Variants in PCNX1 observed in about 807,000 individuals in gnomAD.
PCNX1 encodes the protein pecanex 1, also known as pecanex-like protein 1.
Under a neutral mutation model 242.2 loss-of-function variants are expected in PCNX1, and 78 were observed. That is an observed-to-expected ratio of 0.32 (90% confidence interval 0.27 to 0.39). The LOEUF (loss-of-function observed/expected upper bound fraction) is 0.39, where lower values mean the gene tolerates loss of function less well. Ranked by LOEUF, PCNX1 falls within the 10% of genes least tolerant of loss-of-function variation. PCNX1 has a pLI of 1.00. For missense variants in PCNX1, 2,581 were observed against 2,856.5 expected (o/e 0.90, Z 2.20); for synonymous variants, 1,024 against 1,032.9 (o/e 0.99, Z 0.17).
At chr14:70,973,778 A>G (rs2058610028) in intron 5 of PCNX1, among the ~76,000 whole-genome samples, 1 of 152,244 alleles carries the variant, frequency 6.6e-6, no homozygotes, top group Admixed American at 6.5e-5. Flanking sequence ...TTAACTTTAG[A>G]AAATATAGTT....
In PCNX1 at chr14:71,054,542, T is replaced by A. The variant is rs562633251; in HGVS notation, c.4578-962T>A. ...AACAAGTATTGCCAGTTGTTTTCCT[T>A]GAAATAACAGGCTCACTTTCTTTAT... On this transcript the variant is annotated intron_variant, in intron 24 of 35. Coordinates refer to ENST00000304743, the MANE Select transcript of PCNX1 (RefSeq NM_014982.3). Among the ~76,000 whole-genome samples the A allele has an allele frequency of 2.0e-5, 3 of 152,342 alleles. No individual in the cohort carries two copies. The South Asian group carries it at 6.2e-4, about 32-fold the overall frequency.
chr14:70,923,135 A>G (rs2056444307), intron 1 of PCNX1, among the ~76,000 whole-genome samples: 1 of 151,990 alleles, frequency 6.6e-6, no homozygotes, highest in Non-Finnish European at 1.5e-5. Context: ...TGCCTTTTGT[A>G]TATTTTGTCC....
intron 2 of PCNX1, among the ~76,000 whole-genome samples, chr14:70,951,471 T>C (rs1415269421): frequency 1.3e-5 from 2 of 151,988 alleles, no homozygotes; most frequent in Admixed American, 1.3e-4. Context: ...ACCTCCCAGG[T>C]TCAAACGGTT....
chr14:71,083,865 C>T (rs1407759573), intron 28 of PCNX1, among the ~76,000 whole-genome samples: 1 of 152,180 alleles, frequency 6.6e-6, no homozygotes, highest in Non-Finnish European at 1.5e-5. Context: ...TTGTCAAACT[C>T]ATTCTCCATC....
rs2055619640 is a variant in PCNX1 at position 70,907,714 on chromosome 14, G to A, written c.-137G>A. 1.9e-6 allele frequency: 2 copies of A among 1,065,074 alleles called. No individual in the cohort carries two copies. Among genetic ancestry groups the A allele is most frequent in the Non-Finnish European group, 2.3e-6 (2 of 860,722 alleles). 66.0% of individuals were successfully genotyped at this position (1,065,074 alleles called of 1,614,324 possible). On this transcript the variant is annotated 5_prime_UTR_variant, in exon 1 of 36. Transcript: ENST00000304743. ...TCCTGCAGCAGCACCAGCGACCGCC[G>A]AAGCGCCGGCTCGCTCACCCGGAGC...
At chr14:71,032,822 C>T (rs1345573049) in intron 16 of PCNX1, among the ~76,000 whole-genome samples, 6 of 152,182 alleles carry the variant, frequency 3.9e-5, no homozygotes, top group Non-Finnish European at 7.3e-5. Context: ...AGAGCTCATA[C>T]GGAGTGACCA....
At chr14:71,018,485 A>G (rs1156915386) in intron 11 of PCNX1, among the ~76,000 whole-genome samples, 1 of 152,162 alleles carries the variant, frequency 6.6e-6, no homozygotes, top group African/African-American at 2.4e-5. Context: ...GCCCATATTT[A>G]AGTAATTCTA....
intron 1 of PCNX1, among the ~76,000 whole-genome samples, chr14:70,932,126 T>TCAAAAA (rs1003097730): frequency 1.3e-5 from 2 of 152,154 alleles, no homozygotes; most frequent in Non-Finnish European, 2.9e-5. Flanking sequence ...AAACTCCATC[T>TCAAAAA]CAAAAACAAA....
intron 33 of PCNX1, among the ~76,000 whole-genome samples, chr14:71,107,807 A>G (rs566023422): frequency 1.3e-5 from 2 of 152,362 alleles, no homozygotes; most frequent in Admixed American, 1.3e-4. Flanking sequence ...AGAGCTTGCC[A>G]CATAGTAGGG....
chr14:70,930,076 C>G (rs2056735103), intron 1 of PCNX1, among the ~76,000 whole-genome samples: 1 of 151,550 alleles, frequency 6.6e-6, no homozygotes, highest in Admixed American at 6.6e-5. Context: ...TGTCTGTGCC[C>G]TTTCTTCTCA....
chr14:71,050,098 A>G (rs2060979611), intron 22 of PCNX1, among the ~76,000 whole-genome samples: 1 of 152,232 alleles, frequency 6.6e-6, no homozygotes, highest in Non-Finnish European at 1.5e-5. Flanking sequence ...AAGTTTGGGG[A>G]AAATGTGTCT....
chr14:70,950,311 G>A (rs1879686418), intron 2 of PCNX1, among the ~76,000 whole-genome samples: 1 of 152,028 alleles, frequency 6.6e-6, no homozygotes, highest in South Asian at 2.1e-4. Flanking sequence ...GCAATGATAG[G>A]TACTCAGCAA....
chr14:71,106,208 G>A (rs1267334014), intron 33 of PCNX1, among the ~76,000 whole-genome samples: 3 of 151,194 alleles, frequency 2.0e-5, no homozygotes, highest in Admixed American at 1.3e-4. Context: ...TCGTAGAGAC[G>A]AGGTTTCAAC....
intron 1 of PCNX1, 153 bp from the exon 2 acceptor site, chr14:70,946,762 G>T: frequency 1.7e-6 from 1 of 602,502 alleles, no homozygotes; most frequent in Non-Finnish European, 2.9e-6. Context: ...TTTTGCATTG[G>T]GCATTGAAGC....
chr14:71,010,616 A>AT (rs1310586398), intron 9 of PCNX1, among the ~76,000 whole-genome samples: 3 of 152,034 alleles, frequency 2.0e-5, no homozygotes, highest in Non-Finnish European at 4.4e-5. Flanking sequence ...AGGTGTTAAC[A>AT]TTTTTGTTTT....
intron 1 of PCNX1, among the ~76,000 whole-genome samples, chr14:70,936,287 C>G (rs1367507015): frequency 1.4e-5 from 2 of 139,788 alleles, no homozygotes; most frequent in Admixed American, 7.2e-5. Flanking sequence ...TCCCTCCCCC[C>G]ACCCCACGAC....
At chr14:70,974,807 C>T (rs17108804) in intron 5 of PCNX1, among the ~76,000 whole-genome samples, 55,764 of 151,968 alleles carry the variant, frequency 0.37, 10,506 homozygotes, top group East Asian at 0.62. Context: ...AAGTTTGATT[C>T]GATGAAAAAT....
chr14:71,012,929 CATATT>C lies in PCNX1; in HGVS notation c.2779-54_2779-50del, dbSNP rs1381170177. The C allele has an allele frequency of 2.6e-5, 28 of 1,065,244 alleles. No homozygotes were observed. In the African/African-American group the frequency reaches 3.7e-4, roughly 14 times the overall value. 66.0% of individuals were successfully genotyped at this position (1,065,244 alleles called of 1,614,324 possible). ...ATGAAGATATTTTATTTTGAATAAA[CATATT>C]AAATAAATATTGAAGATATTTTAAG... On this transcript the variant is annotated intron_variant, in intron 10 of 35. Coordinates refer to ENST00000304743, the MANE Select transcript of PCNX1 (RefSeq NM_014982.3).
intron 26 of PCNX1, among the ~76,000 whole-genome samples, chr14:71,064,782 G>T (rs762899321): frequency 6.6e-6 from 1 of 151,998 alleles, no homozygotes; most frequent in Non-Finnish European, 1.5e-5. Context: ...CCCATCCCCC[G>T]ACAGGCCTGG....
Sources: allele counts gnomAD v4.1 joint callset (sites outside exome capture counted in the v4.1 genomes callset), GRCh38; gene constraint gnomAD v4.1.1; transcripts MANE v1.5; gene names NCBI Gene and HGNC (gene_info 2026-07-23, HGNC 2026-07-21).